PEBP4: variants seen among roughly 807,000 people sequenced by gnomAD.
The protein encoded by PEBP4 is phosphatidylethanolamine-binding protein 4.
Under a neutral mutation model 23.9 loss-of-function variants are expected in PEBP4, and 22 were observed. The ratio of observed to expected loss-of-function variants is 0.92; its 90% CI spans 0.66 to 1.31. The LOEUF (loss-of-function observed/expected upper bound fraction) is 1.31. PEBP4 is among the 40% of genes most tolerant of loss of function. The pLI is 0.00. For synonymous variants in PEBP4, 112 were observed against 99.3 expected, an observed-to-expected ratio of 1.13 and a Z score of -0.76; for missense variants, 324 against 281.7, an observed-to-expected ratio of 1.15 and a Z score of -1.07.
At chr8:22,792,721 T>C (rs530556922) in intron 4 of PEBP4, among the ~76,000 whole-genome samples, 2 of 152,248 alleles carry the variant, frequency 1.3e-5, no homozygotes, top group Admixed American at 1.3e-4. Flanking sequence ...ACCCTGGCCC[T>C]GCCCATGGGA....
At chr8:22,716,839 T>C (rs1563192089) in intron 6 of PEBP4, among the ~76,000 whole-genome samples, 1 of 152,200 alleles carries the variant, frequency 6.6e-6, no homozygotes, top group African/African-American at 2.4e-5. Flanking sequence ...AGGGCCCCTT[T>C]AACACTGGCA....
At position 22,920,196 on chromosome 8, in the gene PEBP4, C is replaced by T. The variant is rs182942212; in HGVS notation, c.246G>A (p.Pro82=). Residue 82 remains proline, a synonymous_variant, in exon 3 of 7, where the codon CCG becomes CCA. Transcript: ENST00000256404. ...CCTGCTCACTCACGTCCACGGCCCC[C>T]GGGAACTTGACTATCGGCTCCATCC... ...TSWMEPIVKF[P]GAVDGATYIL... The T allele has an allele frequency of 3.8e-5, 61 of 1,612,340 alleles. No homozygotes were observed. The highest frequency in any genetic ancestry group is 6.7e-5 in the African/African-American group (5 of 75,004).
At chr8:22,899,327 C>T (rs1808663490) in intron 3 of PEBP4, among the ~76,000 whole-genome samples, 1 of 152,242 alleles carries the variant, frequency 6.6e-6, no homozygotes, top group Non-Finnish European at 1.5e-5. Context: ...GTGCCAGCTC[C>T]TGTCTGTGGA....
intron 3 of PEBP4, among the ~76,000 whole-genome samples, chr8:22,843,434 C>T (rs1008236482): frequency 6.6e-6 from 1 of 152,192 alleles, no homozygotes; most frequent in African/African-American, 2.4e-5. Context: ...ATAGAATGAA[C>T]AGTTTCCTAG....
At chr8:22,825,021 C>T (rs1806938048) in intron 3 of PEBP4, among the ~76,000 whole-genome samples, 1 of 152,258 alleles carries the variant, frequency 6.6e-6, no homozygotes, top group African/African-American at 2.4e-5. Context: ...GATCTCCTCT[C>T]TGCTAAGCAG....
chr8:22,731,876 C>T (rs1013965475), intron 4 of PEBP4, among the ~76,000 whole-genome samples: 2 of 151,158 alleles, frequency 1.3e-5, no homozygotes, highest in African/African-American at 4.9e-5. Flanking sequence ...GGGGTTTCAC[C>T]GTGTTAGCCA....
rs761594513 is a variant in PEBP4 at position 22,775,893 on chromosome 8, G to A, written c.357+41744C>T. Among the ~76,000 whole-genome samples the A allele has an allele frequency of 3.9e-5, 6 of 152,116 alleles. No individual in the cohort carries two copies. Among genetic ancestry groups the A allele is most frequent in the Non-Finnish European group, 7.4e-5 (5 of 67,996 alleles). On this transcript the variant is annotated intron_variant, in intron 4 of 6. Transcript: ENST00000256404. This position sits in a 1 kb window ranked among gnomAD's most constrained non-coding sequence, Gnocchi z 4.8. ...GGGGGTTTCCCGTTCTGGAGGCGCC[G>A]GCAGTGAGCTTCTCTGGGCCATCTG... is the stretch of plus-strand genomic sequence containing the variant.
chr8:22,830,531 T>A (rs998571551), intron 3 of PEBP4, among the ~76,000 whole-genome samples: 1 of 152,196 alleles, frequency 6.6e-6, no homozygotes, highest in Non-Finnish European at 1.5e-5. Context: ...AGAGCTGTCC[T>A]CTGAGATCCA....
At chr8:22,922,190 T>C (rs1809216992) in intron 2 of PEBP4, among the ~76,000 whole-genome samples, 1 of 152,176 alleles carries the variant, frequency 6.6e-6, no homozygotes, top group Non-Finnish European at 1.5e-5. Flanking sequence ...AGGCCAGCGT[T>C]TGAACATAGC....
intron 4 of PEBP4, among the ~76,000 whole-genome samples, chr8:22,801,392 T>C (rs2128758799): frequency 6.6e-6 from 1 of 152,254 alleles, no homozygotes; most frequent in African/African-American, 2.4e-5. Flanking sequence ...TCCCTGTACC[T>C]ACCACTGCAC....
In PEBP4 at chr8:22,925,330, C is replaced by T. The variant is rs546518773; in HGVS notation, c.131+2254G>A. On this transcript the variant is annotated intron_variant, in intron 2 of 6. Transcript: ENST00000256404. ...CCCCCTTGACTCGAGTCTGGGAGCCCTGAACCTGGGGTGAAGGTTGTCAGA... is the reference window on the plus strand; with the variant it reads ...CCCCCTTGACTCGAGTCTGGGAGCCTTGAACCTGGGGTGAAGGTTGTCAGA... The T allele has an allele frequency of 1.6e-5, 16 of 985,362 alleles. No individual in the cohort carries two copies. The South Asian group carries it at 6.6e-4, about 41-fold the overall frequency. 61.0% of individuals were successfully genotyped at this position (985,362 alleles called of 1,614,324 possible).
chr8:22,852,675 A>C (rs1014253963), intron 3 of PEBP4, among the ~76,000 whole-genome samples: 2 of 152,144 alleles, frequency 1.3e-5, no homozygotes, highest in Non-Finnish European at 2.9e-5. Context: ...CCTCACTAAA[A>C]AGAAAAAAAA....
intron 4 of PEBP4, among the ~76,000 whole-genome samples, chr8:22,749,492 G>A (rs1177406316): frequency 2.0e-5 from 3 of 152,242 alleles, no homozygotes; most frequent in Admixed American, 6.5e-5. Context: ...CTGGTCAGGG[G>A]TGTCACCAGC....
intron 3 of PEBP4, among the ~76,000 whole-genome samples, chr8:22,864,988 G>A (rs954453863): frequency 6.6e-6 from 1 of 152,154 alleles, no homozygotes; most frequent in African/African-American, 2.4e-5. Flanking sequence ...AGTGCGGGGC[G>A]GGCAGCACGA....
chr8:22,914,225 G>A lies in PEBP4; in HGVS notation c.258+5959C>T, dbSNP rs530281982. ...CTGATCTCCTGACTTCAAGTGATCT[G>A]CCCACCTCAGCCTCCCAAAGTGCTG... On this transcript the variant is annotated intron_variant, in intron 3 of 6. Transcript: ENST00000256404. Among the ~76,000 whole-genome samples the A allele has an allele frequency of 3.3e-5, 5 of 151,958 alleles. No homozygotes were observed. The South Asian group carries it at 1.0e-3, about 32-fold the overall frequency.
chr8:22,894,952 C>A (rs778137172), intron 3 of PEBP4, among the ~76,000 whole-genome samples: 11 of 152,202 alleles, frequency 7.2e-5, no homozygotes, highest in Non-Finnish European at 1.3e-4. Flanking sequence ...CACTTACCAC[C>A]CCTGGCTGCT....
chr8:22,924,077 A>G (rs1346704682), intron 2 of PEBP4, among the ~76,000 whole-genome samples: 6 of 152,328 alleles, frequency 3.9e-5, no homozygotes, highest in African/African-American at 1.4e-4. Context: ...CTTGAAAAAC[A>G]GCAAGCCAGG....
intron 3 of PEBP4, among the ~76,000 whole-genome samples, chr8:22,889,487 T>C (rs1279214228): frequency 1.3e-5 from 2 of 151,964 alleles, no homozygotes; most frequent in Non-Finnish European, 2.9e-5. Flanking sequence ...AGATGGTAAA[T>C]GGGAGAGAAA....
intron 6 of PEBP4, 112 bp from the exon 7 acceptor site, chr8:22,713,648 C>A: frequency 1.4e-6 from 2 of 1,458,782 alleles, no homozygotes; most frequent in Non-Finnish European, 1.9e-6. Context: ...GCAGGTGATG[C>A]GATGGCCATG....
Sources: allele counts gnomAD v4.1 joint callset (sites outside exome capture counted in the v4.1 genomes callset), GRCh38; gene constraint gnomAD v4.1.1; non-coding constraint Gnocchi (gnomAD v3.1); transcripts MANE v1.5; gene names NCBI Gene and HGNC (gene_info 2026-07-23, HGNC 2026-07-21).